The following DNAH14 variants were observed in gnomAD, a reference collection of about 807,000 sequenced individuals.
DNAH14 encodes axonemal beta dynein heavy chain 14.
Under a neutral mutation model 520.9 loss-of-function variants are expected in DNAH14, and 478 were observed. The observed-to-expected ratio is 0.92, with a 90% confidence interval of 0.85 to 0.99. DNAH14 has a LOEUF of 0.99. DNAH14 is among the 50% of genes least tolerant of loss of function. The pLI, the probability that DNAH14 is intolerant of heterozygous loss-of-function variation, is 0.00. For synonymous variants in DNAH14, 1,581 were observed against 1,757.2 expected (o/e 0.90, Z 2.51); for missense variants, 4,831 against 5,234.5 (o/e 0.92, Z 2.38).
At chr1:225,070,675 T>C (rs930943767) in intron 17 of DNAH14, among the ~76,000 whole-genome samples, 1 of 152,192 alleles carries the variant, frequency 6.6e-6, no homozygotes, top group African/African-American at 2.4e-5. Context: ...AAAAGAAGTA[T>C]ATTCTATTGT....
chr1:225,043,819 G>A (rs1294949294), intron 14 of DNAH14, 30 bp downstream of exon 14: 18 of 1,461,148 alleles, frequency 1.2e-5, no homozygotes, highest in Non-Finnish European at 1.6e-5. Context: ...AAAATTACGA[G>A]TAATTGTATT....
At chr1:225,303,905 C>G (rs559675564) in intron 57 of DNAH14, among the ~76,000 whole-genome samples, 1 of 152,116 alleles carries the variant, frequency 6.6e-6, no homozygotes, top group African/African-American at 2.4e-5. Context: ...TGAAACTCAA[C>G]GTAGGACATT....
chr1:225,017,446 G>C (rs2065300784), intron 10 of DNAH14, among the ~76,000 whole-genome samples: 1 of 152,206 alleles, frequency 6.6e-6, no homozygotes, highest in Non-Finnish European at 1.5e-5. Context: ...TGAGGCTCCT[G>C]CTACCCCACT....
intron 58 of DNAH14, among the ~76,000 whole-genome samples, chr1:225,306,687 A>G (rs573245810): frequency 1.8e-3 from 272 of 152,256 alleles, no homozygotes; most frequent in African/African-American, 6.0e-3. Context: ...TAGATCACTC[A>G]GTAGTTTCTT....
chr1:225,006,825 C>T (rs1047710387), intron 9 of DNAH14, among the ~76,000 whole-genome samples: 16 of 152,094 alleles, frequency 1.1e-4, no homozygotes, highest in African/African-American at 3.6e-4. Context: ...ACTCCCTATT[C>T]GTACACTCCC....
intron 54 of DNAH14, among the ~76,000 whole-genome samples, chr1:225,281,344 C>T (rs1035245853): frequency 6.7e-6 from 1 of 149,116 alleles, no homozygotes; most frequent in Non-Finnish European, 1.5e-5. Context: ...GTCATAACAT[C>T]TCTCTCTCTC....
intron 38 of DNAH14, among the ~76,000 whole-genome samples, chr1:225,203,369 G>A (rs567367502): frequency 3.3e-5 from 5 of 152,302 alleles, no homozygotes; most frequent in African/African-American, 1.2e-4. Context: ...TGTGATGAGG[G>A]TGGGAATTAG....
chr1:225,163,951 T>C (rs2081790284), intron 35 of DNAH14, among the ~76,000 whole-genome samples: 1 of 152,190 alleles, frequency 6.6e-6, no homozygotes, highest in Non-Finnish European at 1.5e-5. Flanking sequence ...GGGTTTCCTA[T>C]ATTACCTAAT....
chr1:225,061,972 C>T (rs1285623045), intron 17 of DNAH14, among the ~76,000 whole-genome samples: 1 of 152,152 alleles, frequency 6.6e-6, no homozygotes, highest in Non-Finnish European at 1.5e-5. Context: ...TGGACTTAAC[C>T]TCCTTCCATA....
At chr1:225,182,854 C>T (rs1027377419) in intron 36 of DNAH14, among the ~76,000 whole-genome samples, 1 of 152,182 alleles carries the variant, frequency 6.6e-6, no homozygotes, top group Non-Finnish European at 1.5e-5. Context: ...ACCCAATTCA[C>T]CAATGGCTGA....
At chr1:225,087,814 A>G (rs187231488) in intron 21 of DNAH14, among the ~76,000 whole-genome samples, 8 of 152,352 alleles carry the variant, frequency 5.3e-5, no homozygotes, top group East Asian at 1.9e-4. Context: ...AGCAGACCCA[A>G]TCAATGACAC....
chr1:225,180,301 A>G (rs1198645518), intron 36 of DNAH14, among the ~76,000 whole-genome samples: 1 of 152,028 alleles, frequency 6.6e-6, no homozygotes, highest in Non-Finnish European at 1.5e-5. Context: ...ATTCAATTTC[A>G]TTCTTGTCTG....
intron 30 of DNAH14, among the ~76,000 whole-genome samples, chr1:225,145,957 G>T (rs894838808): frequency 1.3e-5 from 2 of 152,064 alleles, no homozygotes; most frequent in African/African-American, 4.8e-5. Context: ...TTTTATTGTT[G>T]TCATTTTATT....
chr1:225,061,700 G>T (rs2070149356), intron 17 of DNAH14, among the ~76,000 whole-genome samples: 1 of 152,102 alleles, frequency 6.6e-6, no homozygotes, highest in Admixed American at 6.6e-5. Context: ...TGTTGCCCAG[G>T]CTGATCTCTA....
In DNAH14 at chr1:225,092,743, A is replaced by G. The variant is rs12739667; in HGVS notation, c.3574-4375A>G. Among the ~76,000 whole-genome samples the G allele has an allele frequency of 8.0e-3, 1,220 of 151,980 alleles. 8 individuals are homozygous for G. Among genetic ancestry groups the G allele is most frequent in the Middle Eastern group, 0.02 (6 of 294 alleles). On this transcript the variant is annotated intron_variant, in intron 21 of 85. Coordinates refer to ENST00000682510, the MANE Select transcript of DNAH14 (RefSeq NM_001367479.1). ...AAAAGACTGAGTTGAGGAGTTGGTAATTTGAAAAAATTAAGATACATAGAC... is the reference window on the plus strand; with the variant it reads ...AAAAGACTGAGTTGAGGAGTTGGTAGTTTGAAAAAATTAAGATACATAGAC...
intron 27 of DNAH14, among the ~76,000 whole-genome samples, chr1:225,133,905 C>T (rs921079888): frequency 1.4e-4 from 21 of 152,124 alleles, no homozygotes; most frequent in Non-Finnish European, 2.9e-4. Flanking sequence ...TTTCCCTGAG[C>T]AGTGGTTTGT....
chr1:225,053,603 A>G (rs2068756242), intron 17 of DNAH14, among the ~76,000 whole-genome samples: 1 of 152,162 alleles, frequency 6.6e-6, no homozygotes. Flanking sequence ...CAGTGTAGTA[A>G]CAATGAGAAC....
At chr1:225,163,291 T>C (rs918208784) in intron 35 of DNAH14, among the ~76,000 whole-genome samples, 5 of 152,210 alleles carry the variant, frequency 3.3e-5, no homozygotes, top group African/African-American at 1.2e-4. Flanking sequence ...TATAAGATCA[T>C]ATCATCTGCA....
intron 3 of DNAH14, 81 bp from the exon 4 acceptor site, chr1:224,960,072 G>A: frequency 1.5e-6 from 2 of 1,337,242 alleles, no homozygotes; most frequent in Non-Finnish European, 2.0e-6. Context: ...ATCATTAACT[G>A]TATTGCTGGG....
Sources: gnomAD v4.1 joint callset for allele counts (sites outside exome capture counted in the v4.1 genomes callset) on GRCh38, gnomAD v4.1.1 for gene constraint, MANE v1.5 for transcripts, NCBI Gene and HGNC (gene_info 2026-07-23, HGNC 2026-07-21) for gene names.